The following GAREM1 variants were observed in gnomAD, a reference collection of about 807,000 sequenced individuals.
GAREM1 encodes GRB2-associated and regulator of MAPK protein 1.
GAREM1 carries 26 observed loss-of-function variants against 71.3 expected under a neutral mutation model. The ratio of observed to expected loss-of-function variants is 0.36; its 90% CI spans 0.27 to 0.51. The LOEUF (loss-of-function observed/expected upper bound fraction) is 0.51. GAREM1 is among the 20% of genes least tolerant of loss of function. The pLI, the probability that GAREM1 is intolerant of heterozygous loss-of-function variation, is 0.95. For missense variants in GAREM1, 1,026 were observed against 1,103.1 expected (o/e 0.93, Z 0.99); for synonymous variants, 440 against 433.2 (o/e 1.02, Z -0.20).
chr18:32,331,130 T>C (rs1220287663), intron 2 of GAREM1, among the ~76,000 whole-genome samples: 2 of 152,190 alleles, frequency 1.3e-5, no homozygotes, highest in Non-Finnish European at 2.9e-5. Flanking sequence ...TATTCTATTA[T>C]TATTCCTTTG....
chr18:32,400,358 A>G (rs532570323), intron 1 of GAREM1, among the ~76,000 whole-genome samples: 3 of 152,346 alleles, frequency 2.0e-5, no homozygotes, highest in African/African-American at 7.2e-5. Flanking sequence ...CTGCACAGCA[A>G]AAGAAACTAC....
intron 3 of GAREM1, among the ~76,000 whole-genome samples, chr18:32,305,230 A>G (rs1442994276): frequency 6.6e-6 from 1 of 152,158 alleles, no homozygotes; most frequent in Non-Finnish European, 1.5e-5. Flanking sequence ...GCAAATCATC[A>G]GTGAGAGGTA....
intron 1 of GAREM1, among the ~76,000 whole-genome samples, chr18:32,416,622 G>A (rs191787501): frequency 4.7e-4 from 72 of 152,136 alleles, no homozygotes; most frequent in African/African-American, 1.6e-3. Context: ...TACACTGGGG[G>A]AAACACAGTC....
Position 32,279,302 on chromosome 18 carries a change from C to T in GAREM1, c.1566+7729G>A, listed in dbSNP as rs116407488. Among the ~76,000 whole-genome samples, 660 of 152,232 alleles carry T rather than the reference C, an allele frequency of 4.3e-3. 6 individuals are homozygous for T. The highest frequency in any genetic ancestry group is 0.015 in the African/African-American group (622 of 41,516). ...AGGAACCAGGCTGCACAGCAGGAGG[C>T]GAGCAGCTGGCAAGTGAGCCAGTGA... On this transcript the variant is annotated intron_variant, in intron 4 of 5. Coordinates refer to ENST00000269209, the MANE Select transcript of GAREM1 (RefSeq NM_001242409.2).
At chr18:32,279,075 T>C (rs2041579542) in intron 4 of GAREM1, among the ~76,000 whole-genome samples, 1 of 152,214 alleles carries the variant, frequency 6.6e-6, no homozygotes, top group African/African-American at 2.4e-5. Context: ...AGAAAGTATA[T>C]GCCATTGAGG....
intron 2 of GAREM1, among the ~76,000 whole-genome samples, chr18:32,362,851 AT>A (rs1450137519): frequency 6.6e-6 from 1 of 152,226 alleles, no homozygotes; most frequent in East Asian, 1.9e-4. Flanking sequence ...GTGCTTACTC[AT>A]TTGTGTACTT....
In GAREM1 at chr18:32,470,265, G is replaced by A; in HGVS notation, c.121+43C>T. ...CACGCGCGCACACCCGCGTGGAGAC[G>A]GCTGTCCTCGCCCGTCTGCCCCGCG... is the stretch of plus-strand genomic sequence containing the variant. On this transcript the variant is annotated intron_variant, in intron 1 of 5. Transcript: ENST00000269209. This position sits in a 1 kb window ranked among gnomAD's most constrained non-coding sequence, Gnocchi z 4.4. 5 of 1,453,580 alleles carry A rather than the reference G, an allele frequency of 3.4e-6. No individual in the cohort carries two copies. Among genetic ancestry groups the A allele is most frequent in the Non-Finnish European group, 4.6e-6 (5 of 1,097,320 alleles). The allele number at this position is 1,453,580 out of a possible 1,614,324, so 90.0% of individuals were successfully genotyped here.
intron 2 of GAREM1, among the ~76,000 whole-genome samples, chr18:32,351,694 CCT>C (rs910711549): frequency 6.8e-6 from 1 of 147,622 alleles, no homozygotes; most frequent in Non-Finnish European, 1.5e-5. Context: ...CAAGCAATAC[CCT>C]CTCTCTTTTT....
At chr18:32,359,329 T>A (rs1432744604) in intron 2 of GAREM1, among the ~76,000 whole-genome samples, 1 of 152,190 alleles carries the variant, frequency 6.6e-6, no homozygotes, top group African/African-American at 2.4e-5. Context: ...GACTTGTATA[T>A]CTTATCTACT....
At chr18:32,403,476 T>C (rs1188608606) in intron 1 of GAREM1, among the ~76,000 whole-genome samples, 2 of 152,200 alleles carry the variant, frequency 1.3e-5, no homozygotes, top group Non-Finnish European at 2.9e-5. Flanking sequence ...TCTGCTCACT[T>C]CAGTTTCCTT....
At chr18:32,441,651 C>T (rs1185871748) in intron 1 of GAREM1, among the ~76,000 whole-genome samples, 2 of 152,096 alleles carry the variant, frequency 1.3e-5, no homozygotes, top group East Asian at 3.9e-4. Flanking sequence ...AAAAGCAGCT[C>T]GACTGCTGCT....
intron 1 of GAREM1, among the ~76,000 whole-genome samples, chr18:32,430,756 G>A (rs1239890962): frequency 6.6e-6 from 1 of 152,232 alleles, no homozygotes; most frequent in African/African-American, 2.4e-5. Flanking sequence ...CCTGAACGAG[G>A]AGAATCCTCT....
chr18:32,317,852 G>A (rs1337029102), intron 2 of GAREM1, among the ~76,000 whole-genome samples: 3 of 152,132 alleles, frequency 2.0e-5, no homozygotes, highest in Non-Finnish European at 4.4e-5. Context: ...AAAGAGTTAA[G>A]AGCCAGTTTC....
At chr18:32,420,373 A>G (rs1044962833) in intron 1 of GAREM1, among the ~76,000 whole-genome samples, 2 of 151,894 alleles carry the variant, frequency 1.3e-5, no homozygotes, top group African/African-American at 4.8e-5. Context: ...AGGAAAAAAA[A>G]AAACCCTGCT....
chr18:32,395,377 G>T (rs1409209340), intron 1 of GAREM1, among the ~76,000 whole-genome samples: 1 of 152,196 alleles, frequency 6.6e-6, no homozygotes, highest in Admixed American at 6.5e-5. Flanking sequence ...ATTCAACAGG[G>T]AGAAGACAGC....
chr18:32,470,392 C>T lies in GAREM1; in HGVS notation c.37G>A (p.Asp13Asn), dbSNP rs763289866. 6.4e-7 allele frequency: 1 copy of T among 1,558,804 alleles called. No individual in the cohort carries two copies. Among genetic ancestry groups the T allele is most frequent in the African/African-American group, 1.4e-5 (1 of 70,878 alleles). ...PAPSLGCSLK[D>N]VKWSSVAVPL... ...ACGGCCACCGAGCTCCACTTCACAT[C>T]CTTGAGGCTGCAGCCCAGCGAGGGC... The change falls in exon 1 of 6, where the codon GAT (aspartate) becomes AAT (asparagine). Residue 13 changes from aspartate to asparagine, a missense_variant. Physicochemically the swap from Asp to Asn is conservative, Grantham distance 23. Coordinates refer to ENST00000269209, the MANE Select transcript of GAREM1 (RefSeq NM_001242409.2). This position sits in a 1 kb window ranked among gnomAD's most constrained non-coding sequence, Gnocchi z 4.4.
chr18:32,443,664 TTG>T (rs1312251043), intron 1 of GAREM1, among the ~76,000 whole-genome samples: 1 of 152,118 alleles, frequency 6.6e-6, no homozygotes, highest in African/African-American at 2.4e-5. Flanking sequence ...ACCTTACACA[TTG>T]TTCTGGAAAT....
intron 2 of GAREM1, among the ~76,000 whole-genome samples, chr18:32,330,657 A>G (rs1449239744): frequency 7.0e-6 from 1 of 142,614 alleles, no homozygotes; most frequent in Non-Finnish European, 1.5e-5. Context: ...AGAAAAACAG[A>G]GCCAAAGAAA....
rs559725384 is a variant in GAREM1, at chr18:32,462,028, G to C, written c.121+8280C>G. Among the ~76,000 whole-genome samples, 3 of 152,382 alleles carry C rather than the reference G, an allele frequency of 2.0e-5. No homozygotes were observed. In the South Asian group the frequency reaches 6.2e-4, roughly 32 times the overall value. On this transcript the variant is annotated intron_variant, in intron 1 of 5. Transcript: ENST00000269209. ...AACTATAATGCAGTTGATCACAACA[G>C]TCAAACCAGTTTTCCTTTCAGAAAT...
Sources: gnomAD v4.1 joint callset for allele counts (sites outside exome capture counted in the v4.1 genomes callset) on GRCh38, gnomAD v4.1.1 for gene constraint, Gnocchi (gnomAD v3.1) non-coding constraint, MANE v1.5 for transcripts, NCBI Gene and HGNC (gene_info 2026-07-23, HGNC 2026-07-21) for gene names.